NGEF: variants seen among roughly 807,000 people sequenced by gnomAD.
The protein encoded by NGEF is ephexin-1.
Under a neutral mutation model 80.9 loss-of-function variants are expected in NGEF, and 31 were observed. The observed-to-expected ratio is 0.38, with a 90% CI of 0.29 to 0.52. NGEF has a LOEUF of 0.52. Ranked by LOEUF, NGEF falls within the 20% of genes least tolerant of loss-of-function variation. The pLI is 0.84. For missense variants in NGEF, 709 were observed against 926.2 expected (o/e 0.77, Z 3.04); for synonymous variants, 371 against 370.2 (o/e 1.00, Z -0.03).
chr2:232,986,311 A>AAAAT (rs1694530563), intron 1 of NGEF, among the ~76,000 whole-genome samples: 1 of 152,254 alleles, frequency 6.6e-6, no homozygotes, highest in Non-Finnish European at 1.5e-5. Flanking sequence ...GAGGTTCCTC[A>AAAAT]AGAGGTTAAA....
At chr2:232,984,106 A>G (rs2106329672) in intron 1 of NGEF, among the ~76,000 whole-genome samples, 1 of 152,302 alleles carries the variant, frequency 6.6e-6, no homozygotes, top group South Asian at 2.1e-4. Context: ...ATTTTTTCAG[A>G]CAAGGTCTCA....
At position 232,974,914 on chromosome 2, in the gene NGEF, A is replaced by G. The variant is rs1259459269; in HGVS notation, c.-24T>C. Reference sequence around the variant, plus strand: ...ATGGAAATAGAGCCAGATGTTTCTCAGCAGAACGACTGGAGGTCAATGACT... The same window carrying G: ...ATGGAAATAGAGCCAGATGTTTCTCGGCAGAACGACTGGAGGTCAATGACT... On this transcript the variant is annotated 5_prime_UTR_variant, in exon 2 of 15. An upstream open reading frame in the 5' UTR loses its in-frame stop. Coordinates refer to ENST00000264051, the MANE Select transcript of NGEF (RefSeq NM_019850.3). 1.0e-5 allele frequency: 16 copies of G among 1,606,786 alleles called. No individual in the cohort carries two copies. Among genetic ancestry groups the G allele is most frequent in the Non-Finnish European group, 1.4e-5 (16 of 1,176,908 alleles).
At chr2:232,888,456 A>C (rs1691772263) in intron 8 of NGEF, among the ~76,000 whole-genome samples, 1 of 152,178 alleles carries the variant, frequency 6.6e-6, no homozygotes. Flanking sequence ...AACACGATGC[A>C]TGCACACTTG....
At chr2:232,997,979 G>T (rs1000115474) in intron 1 of NGEF, among the ~76,000 whole-genome samples, 3 of 152,220 alleles carry the variant, frequency 2.0e-5, no homozygotes, top group Non-Finnish European at 2.9e-5. Flanking sequence ...ATAGGACAGG[G>T]GGTGGCTTCT....
In NGEF at chr2:232,883,436, C is replaced by T. The variant is rs370324186; in HGVS notation, c.1632G>A (p.Pro544=). Residue 544 remains proline, a synonymous_variant, in exon 12 of 15, where the codon CCG becomes CCA. Transcript: ENST00000264051. The stretch of plus-strand genomic sequence containing the variant: ...GCTCCTCCACACGCAGCAGTCCCCG[C>T]GGAGCTGAGTCAAATACCTGGTACT... ...GDKYQVFDSA[P]RGLLRVEELE... 20 of 1,607,368 alleles carry T rather than the reference C, an allele frequency of 1.2e-5. No homozygotes were observed. The highest frequency in any genetic ancestry group is 6.8e-5 in the Admixed American group (4 of 59,142).
At chr2:232,943,696 T>C (rs56353473) in intron 3 of NGEF, among the ~76,000 whole-genome samples, 2 of 150,670 alleles carry the variant, frequency 1.3e-5, no homozygotes, top group South Asian at 4.2e-4. Context: ...GGGGTTTCAC[T>C]GTGTTAGCCA....
At chr2:232,898,359 C>G (rs561081616) in intron 5 of NGEF, among the ~76,000 whole-genome samples, 32 of 152,312 alleles carry the variant, frequency 2.1e-4, no homozygotes, top group African/African-American at 7.7e-4. Context: ...CATCTCTGTC[C>G]TGATCTTCAG....
At chr2:232,967,191 TCCTGCTCCTGCCATGTGAGACA>T (rs1339363831) in intron 3 of NGEF, among the ~76,000 whole-genome samples, 1 of 152,110 alleles carries the variant, frequency 6.6e-6, no homozygotes. Flanking sequence ...ACTCCCTTGC[TCCTGCTCCTGCCATGTGAGACA>T]CCTGCTCTCC....
intron 5 of NGEF, among the ~76,000 whole-genome samples, chr2:232,911,202 T>C (rs1181251009): frequency 6.6e-6 from 1 of 152,176 alleles, no homozygotes; most frequent in Non-Finnish European, 1.5e-5. Flanking sequence ...TTGAGGTTAA[T>C]GTTTTTGCAT....
chr2:232,990,716 T>C (rs1202193167), intron 1 of NGEF, among the ~76,000 whole-genome samples: 1 of 152,006 alleles, frequency 6.6e-6, no homozygotes, highest in East Asian at 1.9e-4. Context: ...AATGTTATTT[T>C]ATAGAAGAGG....
chr2:232,952,970 C>CAAA (rs57198276), intron 3 of NGEF, among the ~76,000 whole-genome samples: 7 of 73,064 alleles, frequency 9.6e-5, no homozygotes, highest in Non-Finnish European at 1.8e-4. Flanking sequence ...AGACAGCCCT[C>CAAA]AAAAAAAAAA....
At chr2:232,952,290 C>T (rs1693693699) in intron 3 of NGEF, among the ~76,000 whole-genome samples, 1 of 152,210 alleles carries the variant, frequency 6.6e-6, no homozygotes, top group Admixed American at 6.5e-5. Context: ...AATTCAGACT[C>T]CAACAGATAT....
chr2:232,915,111 T>A (rs1466982198), intron 5 of NGEF, among the ~76,000 whole-genome samples: 1 of 152,106 alleles, frequency 6.6e-6, no homozygotes. Context: ...CAGACCCTCC[T>A]GGCTCTCCTG....
chr2:232,995,809 A>G (rs1028323360), intron 1 of NGEF, among the ~76,000 whole-genome samples: 21 of 148,572 alleles, frequency 1.4e-4, no homozygotes, highest in Admixed American at 1.1e-3. Context: ...ATGTATACAT[A>G]TAATACACAT....
chr2:232,951,075 G>A (rs1014770415), intron 3 of NGEF, among the ~76,000 whole-genome samples: 1 of 152,122 alleles, frequency 6.6e-6, no homozygotes, highest in Non-Finnish European at 1.5e-5. Context: ...CTTAGAGGCC[G>A]GCACCTTCAG....
At chr2:232,933,513 C>T (rs1177456472) in intron 3 of NGEF, among the ~76,000 whole-genome samples, 1 of 152,184 alleles carries the variant, frequency 6.6e-6, no homozygotes, top group African/African-American at 2.4e-5. Context: ...TTCTCTCTGC[C>T]CCTCTCTGGC....
chr2:232,923,628 G>A (rs933059403), intron 4 of NGEF, among the ~76,000 whole-genome samples: 1 of 152,124 alleles, frequency 6.6e-6, no homozygotes, highest in Non-Finnish European at 1.5e-5. Context: ...CCAGCTACTC[G>A]GGAGGATGAG....
At chr2:232,951,181 C>T (rs1239591039) in intron 3 of NGEF, among the ~76,000 whole-genome samples, 1 of 152,210 alleles carries the variant, frequency 6.6e-6, no homozygotes, top group African/African-American at 2.4e-5. Context: ...TGGACAGACA[C>T]CAGGACCATT....
At position 232,892,755 on chromosome 2, in the gene NGEF, C is replaced by T. The variant is rs1230802028; in HGVS notation, c.1142+143G>A. 1.1e-6 allele frequency: 1 copy of T among 885,930 alleles called. No individual in the cohort carries two copies. The highest frequency in any genetic ancestry group is 1.8e-6 in the Non-Finnish European group (1 of 571,052). 54.9% of individuals were successfully genotyped at this position (885,930 alleles called of 1,614,324 possible). On this transcript the variant is annotated intron_variant, in intron 7 of 14. Coordinates refer to ENST00000264051, the MANE Select transcript of NGEF (RefSeq NM_019850.3). This position sits in a 1 kb window ranked among gnomAD's most constrained non-coding sequence, Gnocchi z 4.0. The stretch of plus-strand genomic sequence containing the variant: ...GGACACTGTCACCAGTATCCCTGGC[C>T]AACTCCGGTGGCTCATGTGGACCTT...
Sources: gnomAD v4.1 joint callset for allele counts (sites outside exome capture counted in the v4.1 genomes callset) on GRCh38, gnomAD v4.1.1 for gene constraint, Gnocchi (gnomAD v3.1) non-coding constraint, MANE v1.5 for transcripts, NCBI Gene and HGNC (gene_info 2026-07-23, HGNC 2026-07-21) for gene names.